Variants in NRIP1 observed in about 807,000 individuals in gnomAD.
NRIP1 encodes the protein nuclear receptor interacting protein 1, also known as nuclear receptor-interacting protein 1.
NRIP1 carries 28 observed loss-of-function variants against 75.0 expected under a neutral mutation model. The observed-to-expected ratio is 0.37, with a 90% CI of 0.28 to 0.51. NRIP1 has a LOEUF of 0.51. Ranked by LOEUF, NRIP1 falls within the 20% of genes least tolerant of loss-of-function variation. The pLI is 0.92. For synonymous variants in NRIP1, 526 were observed against 487.6 expected, an observed-to-expected ratio of 1.08 and a Z score of -1.04; for missense variants, 1,435 against 1,343.7, an observed-to-expected ratio of 1.07 and a Z score of -1.06.
In NRIP1 at chr21:14,965,314, C is replaced by T. The variant is rs765430379; in HGVS notation, c.2879G>A (p.Ser960Asn). 1 of 1,613,864 alleles carries T rather than the reference C, an allele frequency of 6.2e-7. No homozygotes were observed. Among genetic ancestry groups the T allele is most frequent in the African/African-American group, 1.3e-5 (1 of 74,900 alleles). ...ATTATTTTTGTGTCCTTTCTTTTTACTGTCAGCCACAGAGTTACTTCTGTG... is the reference window on the plus strand; with the variant it reads ...ATTATTTTTGTGTCCTTTCTTTTTATTGTCAGCCACAGAGTTACTTCTGTG... ...SPHRSNSVADSKKKGHKNNVT... is the reference protein window; with the variant it reads ...SPHRSNSVADNKKKGHKNNVT... Residue 960 changes from serine (S) to asparagine (N), a missense_variant, in exon 4 of 4, where the codon AGT (serine) becomes AAT (asparagine). Transcript: ENST00000318948.
intron 3 of NRIP1, among the ~76,000 whole-genome samples, chr21:14,980,262 G>A (rs1025933515): frequency 6.6e-6 from 1 of 151,850 alleles, no homozygotes; most frequent in Non-Finnish European, 1.5e-5. Context: ...GGCTGAGGCG[G>A]GAGGAGTTCA....
chr21:15,000,846 G>A (rs551521430), intron 3 of NRIP1, among the ~76,000 whole-genome samples: 2 of 152,106 alleles, frequency 1.3e-5, no homozygotes, highest in South Asian at 2.1e-4. Context: ...TCTGAATTTT[G>A]TAAGGGAGTT....
intron 2 of NRIP1, among the ~76,000 whole-genome samples, chr21:15,017,634 A>G (rs2088268366): frequency 6.6e-6 from 1 of 152,206 alleles, no homozygotes; most frequent in African/African-American, 2.4e-5. Flanking sequence ...TAAGAGACTG[A>G]GGTGGAATTC....
At chr21:15,021,785 T>C (rs1296026984) in intron 2 of NRIP1, among the ~76,000 whole-genome samples, 1 of 151,932 alleles carries the variant, frequency 6.6e-6, no homozygotes, top group Non-Finnish European at 1.5e-5. Context: ...CAAATATAGA[T>C]ATAAAAGCTC....
At chr21:14,969,664 CA>C (rs761616051) in intron 3 of NRIP1, among the ~76,000 whole-genome samples, 1 of 152,168 alleles carries the variant, frequency 6.6e-6, no homozygotes, top group Non-Finnish European at 1.5e-5. Flanking sequence ...AAGCTATCAA[CA>C]AATACCTTGG....
chr21:14,966,645 GTTTTTT>G lies in NRIP1; in HGVS notation c.1542_1547del (p.Glu514_Asn516delinsAsp). The G allele has an allele frequency of 6.2e-7, 1 of 1,614,046 alleles. No individual in the cohort carries two copies. ...CATTGTGTACTCCCTGAGGGCTGGT[GTTTTTT>G]TCTACATTTTCTTCATTCTTATGGC... is the stretch of plus-strand genomic sequence containing the variant. On this transcript the variant is annotated inframe_deletion, in exon 4 of 4. Transcript: ENST00000318948.
At position 14,972,869 on chromosome 21, in the gene NRIP1, C is replaced by T. The variant is rs1457990379; in HGVS notation, c.-334-4343G>A. On this transcript the variant is annotated intron_variant, in intron 3 of 3. Coordinates refer to ENST00000318948, the MANE Select transcript of NRIP1 (RefSeq NM_003489.4). ...TTCTATGAGAATCTAATGCTGCCACCGATGTGACAGGAGGCGGAGCTCAGG... is the reference window on the plus strand; with the variant it reads ...TTCTATGAGAATCTAATGCTGCCACTGATGTGACAGGAGGCGGAGCTCAGG... Among the ~76,000 whole-genome samples the T allele has an allele frequency of 2.0e-5, 3 of 152,160 alleles. 1 individual carries two copies. In the East Asian group the frequency reaches 5.8e-4, roughly 29 times the overall value.
intron 2 of NRIP1, among the ~76,000 whole-genome samples, chr21:15,015,599 T>G (rs1357106393): frequency 6.6e-6 from 1 of 152,076 alleles, no homozygotes; most frequent in African/African-American, 2.4e-5. Flanking sequence ...ATGAAAAAAT[T>G]AGAAATAGTT....
Position 14,967,977 on chromosome 21 carries a change from T to C in NRIP1, c.216A>G (p.Thr72=), listed in dbSNP as rs762430201. ...QSNGPVLNTH[T]YQGSGMLHLK... ...GGTGCAGCATGCCAGACCCCTGATA[T>C]GTATGTGTATTGAGAACTGGACCAT... Residue 72 remains threonine (T), a synonymous_variant, in exon 4 of 4, where the codon ACA becomes ACG. Coordinates refer to ENST00000318948, the MANE Select transcript of NRIP1 (RefSeq NM_003489.4). The C allele has an allele frequency of 1.1e-5, 18 of 1,614,024 alleles. No homozygotes were observed. The South Asian group carries it at 1.5e-4, about 14-fold the overall frequency.
Position 15,032,750 on chromosome 21 carries a change from C to T in NRIP1, c.-458+10745G>A, listed in dbSNP as rs16997884. On this transcript the variant is annotated intron_variant, in intron 2 of 3. Coordinates refer to ENST00000318948, the MANE Select transcript of NRIP1 (RefSeq NM_003489.4). The stretch of plus-strand genomic sequence containing the variant: ...CTTCTGCTCTCCCCTGGTCACACTA[C>T]ATTCAGGAAATGAAGCAGGAGATGC... 6.1e-3 allele frequency among the ~76,000 whole-genome samples: 931 copies of T among 152,272 alleles called. 6 individuals are homozygous for T. The highest frequency in any genetic ancestry group is 0.021 in the African/African-American group (873 of 41,524).
chr21:15,052,539 A>C (rs2089223291), intron 1 of NRIP1, among the ~76,000 whole-genome samples: 1 of 152,220 alleles, frequency 6.6e-6, no homozygotes. Context: ...TAGTATGTAC[A>C]ACCACAGTTT....
In NRIP1 at chr21:14,966,417, T is replaced by C; in HGVS notation, c.1776A>G (p.Thr592=). The change falls in exon 4 of 4, where the codon ACA becomes ACG. Residue 592 remains threonine (T), a synonymous_variant. Coordinates refer to ENST00000318948, the MANE Select transcript of NRIP1 (RefSeq NM_003489.4). ...CCATTGAGTGGTTAGATGCAGTATT[T>C]GTTAGCTTTTCAGACTGAGTACTGC... The part of the protein sequence containing the change: ...YVCSTQSEKL[T]NTASNHSMDL... The C allele has an allele frequency of 6.2e-7, 1 of 1,614,124 alleles. No individual in the cohort carries two copies. The highest frequency in any genetic ancestry group is 8.5e-7 in the Non-Finnish European group (1 of 1,179,984).
rs575448720 is a variant in NRIP1 at position 14,962,437 on chromosome 21, A to T, written c.*2279T>A. On this transcript the variant is annotated 3_prime_UTR_variant, in exon 4 of 4. Transcript: ENST00000318948. The stretch of plus-strand genomic sequence containing the variant: ...AAAACAAAACAAAACCCACACACAC[A>T]CACACAAAAGTAGCAATGCTGGCCC... 1.3e-5 allele frequency: 2 copies of T among 152,526 alleles called. No individual in the cohort carries two copies. The highest frequency in any genetic ancestry group is 4.8e-5 in the African/African-American group (2 of 41,508). The allele number at this position is 152,526 out of a possible 1,614,324, so 9.4% of individuals were successfully genotyped here.
At chr21:15,047,374 T>C (rs566480052) in intron 1 of NRIP1, among the ~76,000 whole-genome samples, 217 of 152,210 alleles carry the variant, frequency 1.4e-3, no homozygotes, top group Middle Eastern at 3.4e-3. Context: ...ACCCCATCTC[T>C]ACTAAAAATC....
rs528597621 is a variant in NRIP1 at position 15,060,427 on chromosome 21, A to G, written c.-538+4318T>C. 1.6e-4 allele frequency among the ~76,000 whole-genome samples: 25 copies of G among 152,142 alleles called. No homozygotes were observed. In the South Asian group the frequency reaches 3.7e-3, roughly 23 times the overall value. Reference sequence around the variant, plus strand: ...CATAGGTAATGTGCTTAAATAAAGCATTATTTCTGCAGTTATTTACATGTT... The same window carrying G: ...CATAGGTAATGTGCTTAAATAAAGCGTTATTTCTGCAGTTATTTACATGTT... On this transcript the variant is annotated intron_variant, in intron 1 of 3. Coordinates refer to ENST00000318948, the MANE Select transcript of NRIP1 (RefSeq NM_003489.4).
intron 2 of NRIP1, among the ~76,000 whole-genome samples, chr21:15,030,162 C>T (rs1336518875): frequency 6.6e-6 from 1 of 152,200 alleles, no homozygotes; most frequent in Non-Finnish European, 1.5e-5. Flanking sequence ...GGAGTGACAT[C>T]ACCAAGTCAC....
chr21:14,969,381 T>C (rs1032990931), intron 3 of NRIP1, among the ~76,000 whole-genome samples: 4 of 152,146 alleles, frequency 2.6e-5, no homozygotes, highest in Non-Finnish European at 5.9e-5. Flanking sequence ...ATATAAAAAG[T>C]ACAATGGAGA....
chr21:15,052,771 A>C (rs2089229130), intron 1 of NRIP1, among the ~76,000 whole-genome samples: 1 of 152,134 alleles, frequency 6.6e-6, no homozygotes, highest in Non-Finnish European at 1.5e-5. Flanking sequence ...AATAAAACAA[A>C]ACGTAGTCCA....
chr21:15,019,742 C>T (rs2088326965), intron 2 of NRIP1, among the ~76,000 whole-genome samples: 1 of 152,016 alleles, frequency 6.6e-6, no homozygotes, highest in Admixed American at 6.5e-5. Context: ...CCCACCTAGA[C>T]CTTCCAAAGT....
Sources: allele counts gnomAD v4.1 joint callset (sites outside exome capture counted in the v4.1 genomes callset), GRCh38; gene constraint gnomAD v4.1.1; transcripts MANE v1.5; gene names NCBI Gene and HGNC (gene_info 2026-07-23, HGNC 2026-07-21).